RANBP2: variants seen among roughly 807,000 people sequenced by gnomAD.
RANBP2 encodes E3 SUMO-protein ligase RanBP2.
A neutral mutation model predicts 303.6 loss-of-function variants in RANBP2; 57 were observed. The ratio of observed to expected loss-of-function variants is 0.19; its 90% CI spans 0.15 to 0.23. RANBP2 has a LOEUF of 0.23. Ranked by LOEUF, RANBP2 falls within the 10% of genes least tolerant of loss-of-function variation. RANBP2 has a pLI of 1.00. For synonymous variants in RANBP2, 1,167 were observed against 1,301.5 expected (o/e 0.90, Z 2.23); for missense variants, 3,138 against 3,780.8 (o/e 0.83, Z 4.46).
At chr2:109,469,359 AG>A in the RANBP2 span, among the ~76,000 whole-genome samples, 1 of 152,140 alleles carries the variant, frequency 6.6e-6, no homozygotes, top group Non-Finnish European at 1.5e-5. Flanking sequence ...GCCCTTTACT[AG>A]CCCCCGTGCT....
chr2:108,808,728 T>C, the RANBP2 span, among the ~76,000 whole-genome samples: 1 of 152,204 alleles, frequency 6.6e-6, no homozygotes, highest in Non-Finnish European at 1.5e-5. Flanking sequence ...GCTGTTGAGT[T>C]CCTTGTATTG....
At chr2:108,724,990 A>G (rs1694580428) in intron 1 of RANBP2, among the ~76,000 whole-genome samples, 1 of 152,184 alleles carries the variant, frequency 6.6e-6, no homozygotes, top group African/African-American at 2.4e-5. Context: ...TTAGAACTGC[A>G]TAGTGAAAAA....
chr2:109,526,730 A>G, the RANBP2 span, among the ~76,000 whole-genome samples: 1 of 152,118 alleles, frequency 6.6e-6, no homozygotes, highest in African/African-American at 2.4e-5. Flanking sequence ...GACAGCTGCA[A>G]TTGATATTCT....
At chr2:108,913,577 G>A in the RANBP2 span, among the ~76,000 whole-genome samples, 1 of 151,772 alleles carries the variant, frequency 6.6e-6, no homozygotes, top group South Asian at 2.1e-4. Context: ...CTTTGGGATT[G>A]TTGTTCAGCA....
At chr2:109,234,781 C>A in the RANBP2 span, among the ~76,000 whole-genome samples, 13 of 152,206 alleles carry the variant, frequency 8.5e-5, no homozygotes, top group African/African-American at 2.4e-4. Context: ...CAAATTACAT[C>A]TTCACACCTG....
chr2:109,592,607 C>A, the RANBP2 span, among the ~76,000 whole-genome samples: 3 of 151,530 alleles, frequency 2.0e-5, no homozygotes, highest in Admixed American at 6.6e-5. Context: ...GGTGAAACCC[C>A]ATCTCTACTA....
At chr2:109,263,814 A>G in the RANBP2 span, among the ~76,000 whole-genome samples, 1 of 152,196 alleles carries the variant, frequency 6.6e-6, no homozygotes, top group South Asian at 2.1e-4. Context: ...AAAAAATACA[A>G]AAAATTAGCT....
the RANBP2 span, among the ~76,000 whole-genome samples, chr2:108,824,984 G>A: frequency 6.6e-6 from 1 of 152,118 alleles, no homozygotes; most frequent in African/African-American, 2.4e-5. Flanking sequence ...GTTTCAGAGG[G>A]AACTCTTTCA....
chr2:109,024,591 C>T, the RANBP2 span, among the ~76,000 whole-genome samples: 1 of 152,180 alleles, frequency 6.6e-6, no homozygotes, highest in South Asian at 2.1e-4. Context: ...GATGCCTGAA[C>T]CTGGAGGTGA....
the RANBP2 span, among the ~76,000 whole-genome samples, chr2:108,818,677 T>A: frequency 6.6e-6 from 1 of 152,190 alleles, no homozygotes; most frequent in Non-Finnish European, 1.5e-5. Flanking sequence ...TTAAATAATG[T>A]AACCTTATCT....
chr2:108,816,121 T>G, the RANBP2 span: 254 of 1,553,984 alleles, frequency 1.6e-4, no homozygotes, highest in Non-Finnish European at 2.2e-4. Context: ...TTTTTTAATT[T>G]GAAATATGTG....
At position 108,764,881 on chromosome 2, in the gene RANBP2, G is replaced by A; in HGVS notation, c.4342G>A (p.Gly1448Arg). ...GAATACAAAATCTGCTAACAAAAGT[G>A]GATCTTCATTTGTTCATCAAGCTTC... ...CQNTKSANKS[G>R]SSFVHQASFK... Residue 1448 changes from glycine (G) to arginine (R), a missense_variant, in exon 20 of 29, where the codon GGA (glycine) becomes AGA (arginine). Gly to Arg is a moderately radical substitution (Grantham distance 125). Transcript: ENST00000283195. 6.2e-7 allele frequency: 1 copy of A among 1,613,924 alleles called. No homozygotes were observed. The highest frequency in any genetic ancestry group is 8.5e-7 in the Non-Finnish European group (1 of 1,179,898).
the RANBP2 span, among the ~76,000 whole-genome samples, chr2:109,654,002 G>A: frequency 6.6e-6 from 1 of 152,300 alleles, no homozygotes; most frequent in African/African-American, 2.4e-5. Context: ...ATAAGCAGAG[G>A]TGATGAATAA....
the RANBP2 span, among the ~76,000 whole-genome samples, chr2:109,479,059 G>A: frequency 6.6e-6 from 1 of 152,196 alleles, no homozygotes; most frequent in African/African-American, 2.4e-5. Context: ...GGTGTTGACT[G>A]CTGGCTGGAA....
At chr2:109,118,531 C>T in the RANBP2 span, among the ~76,000 whole-genome samples, 3 of 150,490 alleles carry the variant, frequency 2.0e-5, no homozygotes, top group East Asian at 6.3e-4. Context: ...GAGGTTTGTC[C>T]ACCGCAGCCG....
the RANBP2 span, among the ~76,000 whole-genome samples, chr2:109,394,275 C>A: frequency 6.6e-6 from 1 of 152,220 alleles, no homozygotes; most frequent in African/African-American, 2.4e-5. Flanking sequence ...CAGCAGGCAG[C>A]CACTCGAGGT....
the RANBP2 span, among the ~76,000 whole-genome samples, chr2:109,102,469 A>G: frequency 6.6e-6 from 1 of 152,182 alleles, no homozygotes; most frequent in African/African-American, 2.4e-5. Flanking sequence ...AAACTAAAAT[A>G]AAAGCATCGC....
the RANBP2 span, among the ~76,000 whole-genome samples, chr2:109,569,897 G>T: frequency 6.6e-6 from 1 of 152,026 alleles, no homozygotes; most frequent in Non-Finnish European, 1.5e-5. Flanking sequence ...CTGCTTTTTA[G>T]TAACAGAAAA....
the RANBP2 span, among the ~76,000 whole-genome samples, chr2:108,836,622 GATGAC>G: frequency 1.7e-3 from 257 of 152,290 alleles, no homozygotes; most frequent in African/African-American, 6.0e-3. Flanking sequence ...TTTTGGTAGA[GATGAC>G]ATTGAATCTG....
Sources: gnomAD v4.1 joint callset for allele counts (sites outside exome capture counted in the v4.1 genomes callset) on GRCh38, gnomAD v4.1.1 for gene constraint, MANE v1.5 for transcripts, NCBI Gene and HGNC (gene_info 2026-07-23, HGNC 2026-07-21) for gene names.